The following PPA2 variants were observed in gnomAD, a reference collection of about 807,000 sequenced individuals.
PPA2 encodes inorganic pyrophosphatase 2.
Under a neutral mutation model 49.5 loss-of-function variants are expected in PPA2, and 48 were observed. The observed-to-expected ratio is 0.97, with a 90% CI of 0.77 to 1.23. The LOEUF (loss-of-function observed/expected upper bound fraction) is 1.23, where lower values mean the gene tolerates loss of function less well. PPA2 is among the 50% of genes most tolerant of loss of function. The pLI is 0.00. For missense variants in PPA2, 429 were observed against 410.1 expected (o/e 1.05, Z -0.40); for synonymous variants, 131 against 139.9 (o/e 0.94, Z 0.45).
At chr4:105,430,332 T>C (rs1477653793) in intron 6 of PPA2, among the ~76,000 whole-genome samples, 5 of 152,300 alleles carry the variant, frequency 3.3e-5, no homozygotes, top group South Asian at 4.1e-4. Flanking sequence ...AGTGATTGTA[T>C]AAACTAAACT....
At chr4:105,394,264 G>A (rs1390341686) in intron 9 of PPA2, among the ~76,000 whole-genome samples, 2 of 151,630 alleles carry the variant, frequency 1.3e-5, no homozygotes, top group Non-Finnish European at 2.9e-5. Context: ...CTACTTGAGA[G>A]GCTGAGGCAG....
At position 105,386,606 on chromosome 4, in the gene PPA2, G is replaced by A. The variant is rs1307726392; in HGVS notation, c.900C>T (p.Phe300=). The change falls in exon 10 of 12, where the codon TTC becomes TTT. Residue 300 remains phenylalanine, a synonymous_variant. Transcript: ENST00000341695. The part of the protein sequence containing the change: ...CTNVQISDSP[F]RCTQEEARSL... ...ATCTTGCTTCCTCTTGAGTGCAACG[G>A]AAAGGGCTATCAGATATCTGCACGT... 9 of 1,612,696 alleles carry A rather than the reference G, an allele frequency of 5.6e-6. No homozygotes were observed. The highest frequency in any genetic ancestry group is 6.8e-6 in the Non-Finnish European group (8 of 1,179,050).
intron 10 of PPA2, among the ~76,000 whole-genome samples, chr4:105,375,673 T>C (rs952464338): frequency 1.2e-4 from 18 of 152,104 alleles, no homozygotes; most frequent in Non-Finnish European, 2.5e-4. Context: ...CAGAGATTAG[T>C]TCTGAGCTGA....
intron 6 of PPA2, among the ~76,000 whole-genome samples, chr4:105,432,289 CG>C (rs113086216): frequency 2.6e-5 from 4 of 152,056 alleles, no homozygotes; most frequent in Admixed American, 2.6e-4. Context: ...AAAATACTTA[CG>C]TTTTTGTGTT....
intron 8 of PPA2, chr4:105,398,158 G>T (rs1414922370): frequency 5.9e-5 from 9 of 151,274 alleles, no homozygotes; most frequent in African/African-American, 1.9e-4. Context: ...TACCATATAG[G>T]TTTAAAATTT....
At chr4:105,467,686 G>C (rs1270384090) in intron 1 of PPA2, among the ~76,000 whole-genome samples, 1 of 152,164 alleles carries the variant, frequency 6.6e-6, no homozygotes, top group Admixed American at 6.5e-5. Context: ...AACAGAAAGT[G>C]AGAAGGGTGG....
chr4:105,447,355 A>G (rs1445195182), intron 4 of PPA2, among the ~76,000 whole-genome samples: 1 of 152,190 alleles, frequency 6.6e-6, no homozygotes, highest in African/African-American at 2.4e-5. Flanking sequence ...TCATAAAAGC[A>G]GAGAGTGGAA....
intron 10 of PPA2, among the ~76,000 whole-genome samples, chr4:105,379,425 GTAGATAGATAGATAGATAGA>G (rs369483034): frequency 7.1e-6 from 1 of 140,118 alleles, no homozygotes; most frequent in Non-Finnish European, 1.5e-5. Context: ...ATCAATATGT[GTAGATAGATAGATAGATAGA>G]TAGATAGATA....
intron 6 of PPA2, among the ~76,000 whole-genome samples, chr4:105,436,355 T>C (rs924499827): frequency 6.6e-6 from 1 of 152,040 alleles, no homozygotes; most frequent in Admixed American, 6.6e-5. Context: ...TGCTCATGGA[T>C]TGGAAGAATC....
intron 10 of PPA2, among the ~76,000 whole-genome samples, chr4:105,378,483 A>G (rs932271643): frequency 2.0e-5 from 3 of 152,106 alleles, no homozygotes; most frequent in Admixed American, 6.6e-5. Flanking sequence ...TATATTCTGA[A>G]TACAAGTCCC....
rs57073135 is a variant in PPA2, at chr4:105,458,818, CAAAAAAA to C, written c.158-2080_158-2074del. Among the ~76,000 whole-genome samples, 21 of 31,528 alleles carry C rather than the reference CAAAAAAA, an allele frequency of 6.7e-4. 1 individual carries two copies. The highest frequency in any genetic ancestry group is 1.4e-3 in the South Asian group (1 of 704). 20.7% of individuals were successfully genotyped at this position (31,528 alleles called of 152,430 possible). ...GCCTGGCGACACAAGACTCCACCTCCAAAAAAAAAAAAAAAAAAAAAAAAAAAGGCAT... is the reference window on the plus strand; with the variant it reads ...GCCTGGCGACACAAGACTCCACCTCCAAAAAAAAAAAAAAAAAAAAGGCAT... On this transcript the variant is annotated intron_variant, in intron 1 of 11. Coordinates refer to ENST00000341695, the MANE Select transcript of PPA2 (RefSeq NM_176869.3).
At chr4:105,456,149 T>C (rs1449074499) in intron 2 of PPA2, 1 of 415,988 alleles carries the variant, frequency 2.4e-6, no homozygotes, top group African/African-American at 2.1e-5. Flanking sequence ...CCACCATTTT[T>C]ACCCCTGCTT....
intron 7 of PPA2, among the ~76,000 whole-genome samples, chr4:105,416,531 CAT>C (rs1483193096): frequency 6.6e-6 from 1 of 152,212 alleles, no homozygotes; most frequent in East Asian, 1.9e-4. Flanking sequence ...CAGAACTAAA[CAT>C]GTGCACAACT....
At chr4:105,469,919 C>A (rs964888725) in intron 1 of PPA2, among the ~76,000 whole-genome samples, 9 of 152,204 alleles carry the variant, frequency 5.9e-5, no homozygotes, top group Non-Finnish European at 1.2e-4. Flanking sequence ...GCAGATTCCT[C>A]CTACTACCCA....
chr4:105,435,227 C>A (rs746812764), intron 6 of PPA2, among the ~76,000 whole-genome samples: 1 of 152,078 alleles, frequency 6.6e-6, no homozygotes, highest in Non-Finnish European at 1.5e-5. Flanking sequence ...TACCCCTAAC[C>A]GAGAACTATT....
chr4:105,449,133 C>T (rs1438197363), intron 4 of PPA2, among the ~76,000 whole-genome samples: 1 of 121,712 alleles, frequency 8.2e-6, no homozygotes, highest in Non-Finnish European at 1.6e-5. Context: ...AGGAGAATGG[C>T]GTGAACCCGG....
At chr4:105,392,489 A>G (rs983843968) in intron 9 of PPA2, among the ~76,000 whole-genome samples, 2 of 152,088 alleles carry the variant, frequency 1.3e-5, no homozygotes, top group Non-Finnish European at 1.5e-5. Context: ...CCTGGCCAAC[A>G]TGGTGAAACC....
chr4:105,434,037 A>G (rs1257256563), intron 6 of PPA2, among the ~76,000 whole-genome samples: 1 of 152,132 alleles, frequency 6.6e-6, no homozygotes, highest in Non-Finnish European at 1.5e-5. Context: ...CATGTTGCCC[A>G]GGCTGGTCTT....
At chr4:105,452,661 T>C (rs1722720162) in intron 3 of PPA2, among the ~76,000 whole-genome samples, 1 of 152,034 alleles carries the variant, frequency 6.6e-6, no homozygotes. Flanking sequence ...GAGCTGTAAG[T>C]TTCAGTTGGG....
Sources: allele counts gnomAD v4.1 joint callset (sites outside exome capture counted in the v4.1 genomes callset), GRCh38; gene constraint gnomAD v4.1.1; transcripts MANE v1.5; gene names NCBI Gene and HGNC (gene_info 2026-07-23, HGNC 2026-07-21).